Variants in RCAN2 observed in about 807,000 individuals in gnomAD.
RCAN2 encodes regulator of calcineurin 2.
Under a neutral mutation model 23.6 loss-of-function variants are expected in RCAN2, and 9 were observed. The observed-to-expected ratio is 0.38, with a 90% CI of 0.23 to 0.67. The LOEUF (loss-of-function observed/expected upper bound fraction) is 0.67. Among genes scored for constraint, RCAN2 ranks in the 30% least tolerant of loss-of-function variants. RCAN2 has a pLI of 0.51. For synonymous variants in RCAN2, 109 were observed against 115.7 expected (o/e 0.94, Z 0.37); for missense variants, 273 against 302.3 (o/e 0.90, Z 0.72).
chr6:46,429,687 G>T (rs1218272238), intron 2 of RCAN2, among the ~76,000 whole-genome samples: 1 of 152,058 alleles, frequency 6.6e-6, no homozygotes, highest in East Asian at 1.9e-4. Context: ...ATTAGGGCAG[G>T]TACGTTCTTG....
At chr6:46,485,999 T>C (rs1768981073) in intron 1 of RCAN2, among the ~76,000 whole-genome samples, 1 of 152,264 alleles carries the variant, frequency 6.6e-6, no homozygotes, top group Non-Finnish European at 1.5e-5. Context: ...GCCATGGTAC[T>C]ATACCAGGCC....
At chr6:46,473,193 G>T (rs1768617235) in intron 1 of RCAN2, among the ~76,000 whole-genome samples, 1 of 152,074 alleles carries the variant, frequency 6.6e-6, no homozygotes, top group African/African-American at 2.4e-5. Flanking sequence ...TTATTAATTT[G>T]CAAACTCTTA....
At chr6:46,282,544 A>T (rs548340084) in intron 2 of RCAN2, among the ~76,000 whole-genome samples, 1 of 152,156 alleles carries the variant, frequency 6.6e-6, no homozygotes, top group Non-Finnish European at 1.5e-5. Context: ...ATGCTGTCTT[A>T]ATCCTTAAAT....
chr6:46,238,118 A>G (rs996699014), intron 4 of RCAN2, among the ~76,000 whole-genome samples: 1 of 152,200 alleles, frequency 6.6e-6, no homozygotes, highest in African/African-American at 2.4e-5. Context: ...TGGGCCATGC[A>G]AATTCTCATT....
At chr6:46,432,506 C>T (rs564263965) in intron 2 of RCAN2, among the ~76,000 whole-genome samples, 1 of 152,088 alleles carries the variant, frequency 6.6e-6, no homozygotes, top group Non-Finnish European at 1.5e-5. Context: ...AGCCACCACA[C>T]CCGGCCTATC....
At chr6:46,262,756 T>A (rs145626458) in intron 2 of RCAN2, among the ~76,000 whole-genome samples, 41 of 152,252 alleles carry the variant, frequency 2.7e-4, no homozygotes, top group African/African-American at 9.6e-4. Flanking sequence ...CTCATACCTC[T>A]CCTTTGCTTT....
At chr6:46,413,958 GC>G (rs1457607116) in intron 2 of RCAN2, among the ~76,000 whole-genome samples, 1 of 152,084 alleles carries the variant, frequency 6.6e-6, no homozygotes, top group Non-Finnish European at 1.5e-5. Context: ...CAAGACCACG[GC>G]CCCCAGCCAC....
intron 2 of RCAN2, among the ~76,000 whole-genome samples, chr6:46,333,910 C>G (rs947538063): frequency 1.3e-5 from 2 of 152,224 alleles, no homozygotes; most frequent in African/African-American, 4.8e-5. Context: ...TTATATTTCT[C>G]TTATTATGAG....
intron 4 of RCAN2, among the ~76,000 whole-genome samples, chr6:46,226,327 C>T (rs1163378147): frequency 6.6e-6 from 1 of 152,124 alleles, no homozygotes; most frequent in Admixed American, 6.5e-5. Context: ...TGAAGAAAGT[C>T]CTTGGTAGCT....
At position 46,221,381 on chromosome 6, in the gene RCAN2, C is replaced by A. The variant is rs1765471620; in HGVS notation, c.*1760G>T. 6.6e-6 allele frequency: 1 copy of A among 152,572 alleles called. No individual in the cohort carries two copies. The highest frequency in any genetic ancestry group is 1.5e-5 in the Non-Finnish European group (1 of 68,030). The allele number at this position is 152,572 out of a possible 1,614,324, so 9.5% of individuals were successfully genotyped here. On this transcript the variant is annotated 3_prime_UTR_variant, in exon 5 of 5. Transcript: ENST00000371374. ...TACTATTTCTTCCACTAGAGGACAC[C>A]ATTTCTCCACTACTAAGTCTGTAGT...
At chr6:46,490,178 A>G (rs1769100090) in intron 1 of RCAN2, among the ~76,000 whole-genome samples, 1 of 152,320 alleles carries the variant, frequency 6.6e-6, no homozygotes, top group South Asian at 2.1e-4. Context: ...CCTCTGCATG[A>G]TAAGTTGAGT....
intron 2 of RCAN2, among the ~76,000 whole-genome samples, chr6:46,430,286 G>GCTA (rs142414331): frequency 0.022 from 3,274 of 152,246 alleles, 99 homozygotes; most frequent in African/African-American, 0.07. Flanking sequence ...ATCAGGATTA[G>GCTA]CTACAGAATG....
chr6:46,228,472 T>C (rs905897142), intron 4 of RCAN2, among the ~76,000 whole-genome samples: 1 of 152,198 alleles, frequency 6.6e-6, no homozygotes, highest in African/African-American at 2.4e-5. Context: ...ATTGGGTGCA[T>C]ATATATTTAG....
intron 2 of RCAN2, among the ~76,000 whole-genome samples, chr6:46,408,481 T>C (rs1196947593): frequency 6.6e-6 from 1 of 152,202 alleles, no homozygotes; most frequent in Non-Finnish European, 1.5e-5. Context: ...ATATAGAAGA[T>C]TCTCTATGTC....
intron 1 of RCAN2, among the ~76,000 whole-genome samples, chr6:46,476,376 C>G (rs1241213719): frequency 2.0e-5 from 3 of 152,166 alleles, no homozygotes; most frequent in African/African-American, 7.2e-5. Flanking sequence ...AAATAATCCA[C>G]TGAATATTAA....
At chr6:46,384,012 G>A (rs1462099207) in intron 2 of RCAN2, among the ~76,000 whole-genome samples, 1 of 152,184 alleles carries the variant, frequency 6.6e-6, no homozygotes, top group East Asian at 1.9e-4. Context: ...GAAAAACAGG[G>A]TTCATCTCTA....
chr6:46,225,546 C>T (rs1310195368), intron 4 of RCAN2, among the ~76,000 whole-genome samples: 1 of 152,018 alleles, frequency 6.6e-6, no homozygotes, highest in African/African-American at 2.4e-5. Flanking sequence ...ATGATGAGCA[C>T]TTTTTCATGT....
intron 2 of RCAN2, among the ~76,000 whole-genome samples, chr6:46,426,694 T>C (rs1767042756): frequency 6.6e-6 from 1 of 152,114 alleles, no homozygotes; most frequent in Admixed American, 6.6e-5. Flanking sequence ...AATTCATGGG[T>C]AAAGAAGAAG....
intron 2 of RCAN2, among the ~76,000 whole-genome samples, chr6:46,431,569 C>T (rs1214188135): frequency 1.3e-5 from 2 of 152,192 alleles, no homozygotes; most frequent in Admixed American, 1.3e-4. Flanking sequence ...ATCTGAACGA[C>T]TCAAATATTT....
Sources: gnomAD v4.1 joint callset for allele counts (sites outside exome capture counted in the v4.1 genomes callset) on GRCh38, gnomAD v4.1.1 for gene constraint, MANE v1.5 for transcripts, NCBI Gene and HGNC (gene_info 2026-07-23, HGNC 2026-07-21) for gene names.